The following LDAF1 variants were observed in gnomAD, a reference collection of about 807,000 sequenced individuals.
The protein encoded by LDAF1 is lipid droplet assembly factor 1, also known as PROMETHIN.
In LDAF1, 7 loss-of-function variants were observed where a neutral mutation model predicts 13.5. The ratio of observed to expected loss-of-function variants is 0.52; its 90% confidence interval spans 0.29 to 0.97. The LOEUF (loss-of-function observed/expected upper bound fraction) is 0.97, where lower values mean the gene tolerates loss of function less well. Ranked by LOEUF, LDAF1 falls within the 50% of genes least tolerant of loss-of-function variation. The pLI is 0.07. For missense variants in LDAF1, 148 were observed against 193.2 expected, an observed-to-expected ratio of 0.77 and a Z score of 1.39; for synonymous variants, 69 against 77.1, an observed-to-expected ratio of 0.89 and a Z score of 0.55.
chr16:21,162,612 A>G (rs2092987594), intron 2 of LDAF1, among the ~76,000 whole-genome samples: 2 of 152,192 alleles, frequency 1.3e-5, no homozygotes, highest in Non-Finnish European at 2.9e-5. Context: ...TGTATTGGAT[A>G]GCACAGCGGG....
At chr16:21,177,546 G>A (rs62033374) in intron 4 of LDAF1, among the ~76,000 whole-genome samples, 33,682 of 151,274 alleles carry the variant, frequency 0.22, 3,979 homozygotes, top group East Asian at 0.3. Context: ...GAGAATGTGA[G>A]TGAAAAAGGC....
At chr16:21,166,843 C>T in intron 2 of LDAF1, 2 of 1,535,702 alleles carry the variant, frequency 1.3e-6, no homozygotes. Flanking sequence ...CTTTCAGCTG[C>T]CCCAACACAG....
Position 21,170,583 on chromosome 16 carries a change from G to T in LDAF1, c.243G>T (p.Leu81=). Reference sequence around the variant, plus strand: ...TGGTGCTTACCACCCTGGCTGCTCTGCTGGGGGTCATAATATTGGAAGGTA... The same window carrying T: ...TGGTGCTTACCACCCTGGCTGCTCTTCTGGGGGTCATAATATTGGAAGGTA... ...LIVVLTTLAA[L]LGVIILEGLV... The change falls in exon 3 of 5, where the codon CTG becomes CTT. Residue 81 remains leucine, a synonymous_variant. Transcript: ENST00000233047. 2 of 1,614,140 alleles carry T rather than the reference G, an allele frequency of 1.2e-6. No homozygotes were observed. Among genetic ancestry groups the T allele is most frequent in the Non-Finnish European group, 1.7e-6 (2 of 1,180,034 alleles).
chr16:21,178,560 T>G (rs2093159053), intron 4 of LDAF1: 1 of 210,634 alleles, frequency 4.7e-6, no homozygotes, highest in Admixed American at 6.5e-5. Flanking sequence ...CCTTTTGCCT[T>G]CCTGTGTTGC....
At chr16:21,179,347 G>T in intron 4 of LDAF1, 128 bp from the exon 5 acceptor site, 1 of 1,568,608 alleles carries the variant, frequency 6.4e-7, no homozygotes. Flanking sequence ...ATGGACATAG[G>T]CCTGGTGTGG....
chr16:21,166,811 C>T (rs1390024816), intron 2 of LDAF1: 17 of 1,532,918 alleles, frequency 1.1e-5, no homozygotes, highest in African/African-American at 5.5e-5. Context: ...GTGACTCCCA[C>T]GGCTCCTCCG....
At chr16:21,162,349 G>C (rs1376343748) in intron 2 of LDAF1, among the ~76,000 whole-genome samples, 2 of 152,012 alleles carry the variant, frequency 1.3e-5, no homozygotes, top group Non-Finnish European at 2.9e-5. Context: ...ATTCGAGTTA[G>C]CCACTTTTTA....
At chr16:21,173,345 C>T (rs919878564) in intron 3 of LDAF1, 7 of 152,382 alleles carry the variant, frequency 4.6e-5, no homozygotes, top group African/African-American at 1.7e-4. Flanking sequence ...GCTGACTCCT[C>T]GAGGGGATCC....
intron 3 of LDAF1, chr16:21,172,789 G>A (rs2093102043): frequency 1.0e-6 from 1 of 983,166 alleles, no homozygotes; most frequent in Non-Finnish European, 1.2e-6. Flanking sequence ...TTTGAAAAAC[G>A]CTGATCTAAA....
At chr16:21,163,482 G>A (rs546390386) in intron 2 of LDAF1, among the ~76,000 whole-genome samples, 25 of 152,004 alleles carry the variant, frequency 1.6e-4, no homozygotes, top group African/African-American at 6.0e-4. Flanking sequence ...CCTTCTCTAC[G>A]AAAAATACAA....
At chr16:21,159,531 G>C (rs1024863393) in intron 1 of LDAF1, 9 of 1,198,236 alleles carry the variant, frequency 7.5e-6, no homozygotes, top group Non-Finnish European at 1.1e-5. Flanking sequence ...AGGGCCAGGA[G>C]ATTTATTTGG....
intron 2 of LDAF1, among the ~76,000 whole-genome samples, chr16:21,168,991 A>T (rs1307264780): frequency 1.8e-5 from 2 of 108,232 alleles, no homozygotes; most frequent in Non-Finnish European, 3.5e-5. Flanking sequence ...AATTATAAAC[A>T]TATATAATTA....
intron 2 of LDAF1, among the ~76,000 whole-genome samples, chr16:21,165,389 C>A (rs1231331150): frequency 6.6e-6 from 1 of 152,018 alleles, no homozygotes; most frequent in African/African-American, 2.4e-5. Context: ...CTAGCCTGGG[C>A]AATAGAGTGA....
Position 21,159,629 on chromosome 16 carries a change from G to T in LDAF1, c.-99+883G>T, listed in dbSNP as rs181324960. ...GGCGGGGCACTCCTTGGCCGCGCCGGGTTCTCGCTTTCCCTTCTCGGGAGA... is the reference window on the plus strand; with the variant it reads ...GGCGGGGCACTCCTTGGCCGCGCCGTGTTCTCGCTTTCCCTTCTCGGGAGA... On this transcript the variant is annotated intron_variant, in intron 1 of 4. Coordinates refer to ENST00000233047, the MANE Select transcript of LDAF1 (RefSeq NM_001301771.2). 5.9e-5 allele frequency among the ~76,000 whole-genome samples: 9 copies of T among 152,360 alleles called. No homozygotes were observed. In the East Asian group the frequency reaches 9.6e-4, roughly 16 times the overall value.
chr16:21,174,264 G>A (rs930833241), intron 4 of LDAF1, 116 bp downstream of exon 4: 29 of 952,492 alleles, frequency 3.0e-5, no homozygotes, highest in Non-Finnish European at 3.9e-5. Flanking sequence ...AACATAGCTC[G>A]CTACAGCCTC....
intron 3 of LDAF1, 121 bp from the exon 4 acceptor site, chr16:21,173,889 G>T (rs1165784822): frequency 1.1e-5 from 12 of 1,102,394 alleles, no homozygotes; most frequent in African/African-American, 1.6e-5. Flanking sequence ...GTTTTTGTGG[G>T]AAATCTTCTT....
At chr16:21,171,758 G>A (rs886661325) in intron 3 of LDAF1, among the ~76,000 whole-genome samples, 7 of 150,384 alleles carry the variant, frequency 4.7e-5, no homozygotes, top group African/African-American at 1.5e-4. Context: ...TTTTTTTCTA[G>A]ATGGAATCTT....
chr16:21,164,337 G>A (rs942618212), intron 2 of LDAF1, among the ~76,000 whole-genome samples: 6 of 152,098 alleles, frequency 3.9e-5, no homozygotes, highest in Non-Finnish European at 7.3e-5. Flanking sequence ...TCGAACTTCT[G>A]GTCTCAAGCA....
rs1402243096 is a variant in LDAF1 at position 21,170,511 on chromosome 16, G to T, written c.171G>T (p.Val57=). The T allele has an allele frequency of 1.2e-6, 2 of 1,614,112 alleles. No homozygotes were observed. Among genetic ancestry groups the T allele is most frequent in the Admixed American group, 1.7e-5 (1 of 60,010 alleles). The part of the protein sequence containing the change: ...SHPFLAFTLL[V]FIVMSAVPVG... ...CGTTTCTGGCCTTCACCTTGCTGGT[G>T]TTCATTGTCATGTCGGCCGTTCCTG... The change falls in exon 3 of 5, where the codon GTG becomes GTT. Residue 57 remains valine, a synonymous_variant. Coordinates refer to ENST00000233047, the MANE Select transcript of LDAF1 (RefSeq NM_001301771.2).
Sources: gnomAD v4.1 joint callset for allele counts (sites outside exome capture counted in the v4.1 genomes callset) on GRCh38, gnomAD v4.1.1 for gene constraint, MANE v1.5 for transcripts, NCBI Gene and HGNC (gene_info 2026-07-23, HGNC 2026-07-21) for gene names.